FHIP2A: variants seen among roughly 807,000 people sequenced by gnomAD.
FHIP2A encodes FHF complex subunit HOOK interacting protein 2A, also known as family with sequence similarity 160 member B1.
Under a neutral mutation model 93.5 loss-of-function variants are expected in FHIP2A, and 46 were observed. The observed-to-expected ratio is 0.49, with a 90% CI of 0.39 to 0.63. FHIP2A has a LOEUF of 0.63. FHIP2A is among the 20% of genes least tolerant of loss of function. FHIP2A has a pLI of 0.00. For missense variants in FHIP2A, 769 were observed against 909.7 expected, an observed-to-expected ratio of 0.85 and a Z score of 1.99; for synonymous variants, 332 against 326.5, an observed-to-expected ratio of 1.02 and a Z score of -0.18.
At chr10:114,846,938 A>T in intron 11 of FHIP2A, 152 bp from the exon 12 acceptor site, 1 of 802,106 alleles carries the variant, frequency 1.2e-6, no homozygotes, top group Non-Finnish European at 1.9e-6. Context: ...ATAGTATAGA[A>T]TGTTAATTTG....
chr10:114,840,898 AG>A (rs1170758688), intron 5 of FHIP2A, among the ~76,000 whole-genome samples: 6 of 152,168 alleles, frequency 3.9e-5, no homozygotes, highest in African/African-American at 1.2e-4. Context: ...TTTAAGTTTA[AG>A]AGATTTAGAA....
Position 114,843,803 on chromosome 10 carries a change from T to G in FHIP2A, c.879T>G (p.Pro293=). ...TGCTGTTAGTAAGTTTGCCAGAGCCTGCGGCTGCAAAGTGCCTTACACAGA... is the reference window on the plus strand; with the variant it reads ...TGCTGTTAGTAAGTTTGCCAGAGCCGGCGGCTGCAAAGTGCCTTACACAGA... ...GLMLLVSLPE[P]AAAKCLTQST... is the part of the protein sequence containing the mutation. Residue 293 remains proline (P), a synonymous_variant, in exon 7 of 17, where the codon CCT becomes CCG. Transcript: ENST00000369248. The G allele has an allele frequency of 1.3e-6, 2 of 1,595,904 alleles. No homozygotes were observed. The highest frequency in any genetic ancestry group is 1.7e-6 in the Non-Finnish European group (2 of 1,175,408).
intron 16 of FHIP2A, among the ~76,000 whole-genome samples, chr10:114,877,907 A>T (rs2083897361): frequency 2.0e-5 from 3 of 152,170 alleles, no homozygotes; most frequent in Admixed American, 2.0e-4. Context: ...GATAGCTAGG[A>T]TTCTGAGAAA....
intron 16 of FHIP2A, among the ~76,000 whole-genome samples, chr10:114,876,962 A>G (rs10510007): frequency 0.33 from 50,274 of 151,012 alleles, 8,744 homozygotes; most frequent in Non-Finnish European, 0.39. Context: ...AGTTACCGGA[A>G]TAATTCTAGT....
At chr10:114,870,382 AAT>A (rs34935019) in intron 16 of FHIP2A, among the ~76,000 whole-genome samples, 47,692 of 150,254 alleles carry the variant, frequency 0.32, 8,079 homozygotes, top group Non-Finnish European at 0.38. Flanking sequence ...TTTTAAATAA[AAT>A]ATATATATAT....
intron 10 of FHIP2A, 50 bp from the exon 11 acceptor site, chr10:114,846,509 A>G (rs370569392): frequency 3.1e-5 from 47 of 1,506,628 alleles, no homozygotes; most frequent in Non-Finnish European, 4.0e-5. Context: ...TAAGAAGAGT[A>G]ACTTATGTAA....
At chr10:114,861,025 A>G (rs2083795331) in intron 15 of FHIP2A, 136 bp downstream of exon 15, 2 of 1,034,498 alleles carry the variant, frequency 1.9e-6, no homozygotes, top group Admixed American at 2.4e-5. Context: ...TACATTCTGA[A>G]CTACTATTTT....
chr10:114,862,608 T>C lies in FHIP2A; in HGVS notation c.*1068T>C. 2 of 986,222 alleles carry C rather than the reference T, an allele frequency of 2.0e-6. No individual in the cohort carries two copies. Among genetic ancestry groups the C allele is most frequent in the Non-Finnish European group, 2.4e-6 (2 of 830,086 alleles). 61.1% of individuals were successfully genotyped at this position (986,222 alleles called of 1,614,324 possible). A position where few individuals can be genotyped will look rare whatever the true frequency, so the allele number is the denominator to read the frequency against. On this transcript the variant is annotated 3_prime_UTR_variant, in exon 17 of 17. Coordinates refer to ENST00000369248, the MANE Select transcript of FHIP2A (RefSeq NM_020940.4). ...TACATGTTAAAGGATTTGGGGAAAT[T>C]GGGTATGTATGTGAATGGGTGTACA...
chr10:114,861,030 T>C (rs2083795371), intron 15 of FHIP2A, 141 bp downstream of exon 15: 2 of 1,036,782 alleles, frequency 1.9e-6, no homozygotes, highest in Non-Finnish European at 2.8e-6. Flanking sequence ...TCTGAACTAC[T>C]ATTTTTTCAA....
Position 114,860,782 on chromosome 10 carries a change from T to C in FHIP2A, c.1981T>C (p.Leu661=), listed in dbSNP as rs369536207. 7.8e-5 allele frequency: 126 copies of C among 1,607,582 alleles called. No individual in the cohort carries two copies. Among genetic ancestry groups the C allele is most frequent in the Non-Finnish European group, 1.1e-4 (125 of 1,174,114 alleles). Residue 661 remains leucine, a synonymous_variant, in exon 15 of 17, where the codon TTA becomes CTA. Transcript: ENST00000369248. ...YDVNLQVTSV[L]SRLSLFPHPH... The stretch of plus-strand genomic sequence containing the variant: ...TGTAAACTTACAAGTAACCTCAGTG[T>C]TATCTAGACTTTCTCTCTTCCCTCA...
chr10:114,821,956 C>A lies in FHIP2A; in HGVS notation c.-123C>A. 1 of 488,342 alleles carries A rather than the reference C, an allele frequency of 2.0e-6. No individual in the cohort carries two copies. The highest frequency in any genetic ancestry group is 3.2e-6 in the Non-Finnish European group (1 of 317,392). The allele number at this position is 488,342 out of a possible 1,614,324, so 30.3% of individuals were successfully genotyped here. On this transcript the variant is annotated 5_prime_UTR_variant, in exon 1 of 17. Coordinates refer to ENST00000369248, the MANE Select transcript of FHIP2A (RefSeq NM_020940.4). Reference sequence around the variant, plus strand: ...GGCCCTGCCTCGATCCTCAGCTCGTCCTCCCCGCCCCGCACCGGCCTTCAC... The same window carrying A: ...GGCCCTGCCTCGATCCTCAGCTCGTACTCCCCGCCCCGCACCGGCCTTCAC...
At chr10:114,854,221 G>A (rs748396393) in intron 13 of FHIP2A, among the ~76,000 whole-genome samples, 8 of 151,150 alleles carry the variant, frequency 5.3e-5, no homozygotes, top group Non-Finnish European at 1.2e-4. Context: ...GGCCAGGTGT[G>A]GTGGCTCATG....
At chr10:114,883,936 G>T (rs944660246) in intron 16 of FHIP2A, among the ~76,000 whole-genome samples, 1 of 152,114 alleles carries the variant, frequency 6.6e-6, no homozygotes, top group South Asian at 2.1e-4. Flanking sequence ...CTTATAAAAG[G>T]TGTGACCAGA....
In FHIP2A at chr10:114,884,953, G is replaced by C. The variant is rs141211101; in HGVS notation, c.2193-14537G>C. 9.0e-3 allele frequency among the ~76,000 whole-genome samples: 1,354 copies of C among 149,852 alleles called. 10 individuals carry two copies. The highest frequency in any genetic ancestry group is 0.05 in the Middle Eastern group (14 of 282). On this transcript the variant is annotated intron_variant, in intron 16 of 16. Coordinates refer to the FHIP2A transcript ENST00000369250. ...CCAATATATGTAGAGTACTAGGACA[G>C]TATCTGATATTCAGGGTAAGAATGC...
chr10:114,844,780 TTTTG>T (rs957734670), intron 7 of FHIP2A, among the ~76,000 whole-genome samples: 3 of 152,034 alleles, frequency 2.0e-5, no homozygotes, highest in South Asian at 2.1e-4. Flanking sequence ...TCCACTGTTT[TTTTG>T]TTTGTTTGTT....
At chr10:114,830,701 T>G in intron 1 of FHIP2A, 151 bp from the exon 2 acceptor site, 1 of 454,598 alleles carries the variant, frequency 2.2e-6, no homozygotes, top group South Asian at 6.4e-5. Flanking sequence ...TTTGACTTAT[T>G]TTGTTTCTCT....
In FHIP2A at chr10:114,863,471, C is replaced by T. The variant is rs1032655040; in HGVS notation, c.*1931C>T. 2.7e-6 allele frequency: 3 copies of T among 1,118,412 alleles called. No homozygotes were observed. Among genetic ancestry groups the T allele is most frequent in the Non-Finnish European group, 3.3e-6 (3 of 908,134 alleles). The allele number at this position is 1,118,412 out of a possible 1,614,324, so 69.3% of individuals were successfully genotyped here. ...CCACTATGGGACCTTATAACTAGTCCATGAAACCAAGCTCAGAAAAGCTTT... is the reference window on the plus strand; with the variant it reads ...CCACTATGGGACCTTATAACTAGTCTATGAAACCAAGCTCAGAAAAGCTTT... On this transcript the variant is annotated 3_prime_UTR_variant, in exon 17 of 17. Coordinates refer to ENST00000369248, the MANE Select transcript of FHIP2A (RefSeq NM_020940.4).
At chr10:114,873,359 A>G (rs1202865898) in intron 16 of FHIP2A, among the ~76,000 whole-genome samples, 2 of 152,196 alleles carry the variant, frequency 1.3e-5, no homozygotes, top group African/African-American at 4.8e-5. Flanking sequence ...GTCATATCTT[A>G]TCAAGAGTAC....
rs900576627 is a variant in FHIP2A at position 114,862,433 on chromosome 10, G to A, written c.*893G>A. On this transcript the variant is annotated 3_prime_UTR_variant, in exon 17 of 17. Transcript: ENST00000369248. Reference sequence around the variant, plus strand: ...GATTTTCTTACTGAAACGCATGGTGGTGTCTAGGTGGGGAACTGACTGATA... The same window carrying A: ...GATTTTCTTACTGAAACGCATGGTGATGTCTAGGTGGGGAACTGACTGATA... The A allele has an allele frequency of 5.1e-6, 5 of 987,412 alleles. No individual in the cohort carries two copies. Among genetic ancestry groups the A allele is most frequent in the Non-Finnish European group, 6.0e-6 (5 of 830,106 alleles). The allele number at this position is 987,412 out of a possible 1,614,324, so 61.2% of individuals were successfully genotyped here. A position where few individuals can be genotyped will look rare whatever the true frequency, so the allele number is the denominator to read the frequency against.
Sources: gnomAD v4.1 joint callset for allele counts (sites outside exome capture counted in the v4.1 genomes callset) on GRCh38, gnomAD v4.1.1 for gene constraint, MANE v1.5 for transcripts, NCBI Gene and HGNC (gene_info 2026-07-23, HGNC 2026-07-21) for gene names.